MAP4K3: variants seen among roughly 807,000 people sequenced by gnomAD.
MAP4K3 encodes the protein MAPK/ERK kinase kinase kinase 3.
A neutral mutation model predicts 143.5 loss-of-function variants in MAP4K3; 94 were observed. The ratio of observed to expected loss-of-function variants is 0.65; its 90% CI spans 0.55 to 0.78. MAP4K3 has a LOEUF of 0.78. Ranked by LOEUF, MAP4K3 falls within the 30% of genes least tolerant of loss-of-function variation. The pLI, the probability that MAP4K3 is intolerant of heterozygous loss-of-function variation, is 0.00. For synonymous variants in MAP4K3, 416 were observed against 347.2 expected (o/e 1.20, Z -2.20); for missense variants, 1,077 against 1,068.1 (o/e 1.01, Z -0.12).
Position 39,343,468 on chromosome 2 carries a change from A to C in MAP4K3, c.246-16T>G, listed in dbSNP as rs1217012328. ...CTTATCTCGCCTATAAAGAGAAAAG[A>C]AGCATGTATCATATTTTCATGATTA... On this transcript the variant is annotated splice_polypyrimidine_tract_variant and intron_variant, in intron 3 of 33. Coordinates refer to ENST00000263881, the MANE Select transcript of MAP4K3 (RefSeq NM_003618.4). 3 of 1,607,268 alleles carry C rather than the reference A, an allele frequency of 1.9e-6. No homozygotes were observed. Among genetic ancestry groups the C allele is most frequent in the African/African-American group, 2.7e-5 (2 of 74,888 alleles).
chr2:39,385,797 T>C lies in MAP4K3; in HGVS notation c.97-7674A>G, dbSNP rs183456303. Among the ~76,000 whole-genome samples, 922 of 150,824 alleles carry C rather than the reference T, an allele frequency of 6.1e-3. 10 individuals carry two copies. Among genetic ancestry groups the C allele is most frequent in the African/African-American group, 0.021 (884 of 41,212 alleles). ...AGCAACTGCCACCACACCCGGCTAATTTTTTTGTATTTTTAGTAGAGATGA... is the reference window on the plus strand; with the variant it reads ...AGCAACTGCCACCACACCCGGCTAACTTTTTTGTATTTTTAGTAGAGATGA... On this transcript the variant is annotated intron_variant, in intron 1 of 33. Coordinates refer to ENST00000263881, the MANE Select transcript of MAP4K3 (RefSeq NM_003618.4).
At chr2:39,260,570 T>C (rs371059913) in intron 29 of MAP4K3, 36 bp downstream of exon 29, 10 of 1,573,336 alleles carry the variant, frequency 6.4e-6, no homozygotes, top group African/African-American at 4.1e-5. Context: ...AACCAGTATA[T>C]GTATTACCCT....
intron 1 of MAP4K3, among the ~76,000 whole-genome samples, chr2:39,400,679 T>G (rs1027033897): frequency 6.6e-6 from 1 of 152,054 alleles, no homozygotes; most frequent in Non-Finnish European, 1.5e-5. Flanking sequence ...AAATTATGAC[T>G]GGAAGTCCTG....
At chr2:39,436,831 C>A in intron 1 of MAP4K3, 61 bp downstream of exon 1, 1 of 1,466,880 alleles carries the variant, frequency 6.8e-7, no homozygotes, top group Non-Finnish European at 9.4e-7. Context: ...GGCTCGGACG[C>A]CCAGGCTTGG....
chr2:39,284,362 T>C (rs373754045), intron 21 of MAP4K3, among the ~76,000 whole-genome samples: 8 of 152,010 alleles, frequency 5.3e-5, no homozygotes, highest in Non-Finnish European at 8.8e-5. Context: ...GGTTTTACCA[T>C]GTTGGCGAGG....
At chr2:39,319,759 A>G (rs1191240188) in intron 12 of MAP4K3, among the ~76,000 whole-genome samples, 3 of 152,256 alleles carry the variant, frequency 2.0e-5, no homozygotes, top group African/African-American at 7.2e-5. Context: ...AAATGAAATT[A>G]CAAAGATTCA....
intron 16 of MAP4K3, among the ~76,000 whole-genome samples, chr2:39,299,450 T>G (rs1682420098): frequency 6.6e-6 from 1 of 152,176 alleles, no homozygotes; most frequent in Admixed American, 6.5e-5. Flanking sequence ...CAGATCAGTT[T>G]TAGAAATAAA....
chr2:39,390,344 C>G (rs1666618164), intron 1 of MAP4K3, among the ~76,000 whole-genome samples: 1 of 152,166 alleles, frequency 6.6e-6, no homozygotes, highest in Non-Finnish European at 1.5e-5. Context: ...TTAAACAACT[C>G]AGCATGGAAA....
chr2:39,334,181 C>T (rs755915382), intron 6 of MAP4K3, among the ~76,000 whole-genome samples: 49 of 152,142 alleles, frequency 3.2e-4, no homozygotes, highest in Non-Finnish European at 6.8e-4. Context: ...TGTCACCCCT[C>T]TGCATGATCT....
chr2:39,409,499 C>A (rs1302366167), intron 1 of MAP4K3, among the ~76,000 whole-genome samples: 1 of 152,290 alleles, frequency 6.6e-6, no homozygotes, highest in East Asian at 1.9e-4. Context: ...GAGGCTGAGG[C>A]AGGAGAATCA....
At chr2:39,323,034 A>G (rs976151183) in intron 12 of MAP4K3, among the ~76,000 whole-genome samples, 2 of 152,174 alleles carry the variant, frequency 1.3e-5, no homozygotes, top group Non-Finnish European at 2.9e-5. Flanking sequence ...TCTTAGATAC[A>G]TTCGTATTTT....
intron 1 of MAP4K3, among the ~76,000 whole-genome samples, chr2:39,406,094 G>C (rs547310469): frequency 7.0e-4 from 106 of 152,016 alleles, no homozygotes; most frequent in Non-Finnish European, 1.4e-3. Flanking sequence ...AAATGCAACA[G>C]ACATACTGAA....
At chr2:39,347,046 A>T (rs1463522357) in intron 3 of MAP4K3, among the ~76,000 whole-genome samples, 1 of 152,170 alleles carries the variant, frequency 6.6e-6, no homozygotes, top group Non-Finnish European at 1.5e-5. Context: ...CACCAAGGTC[A>T]AAACCATTTT....
rs550370683 is a variant in MAP4K3, at chr2:39,418,147, T to A, written c.96+18745A>T. Among the ~76,000 whole-genome samples, 6 of 148,392 alleles carry A rather than the reference T, an allele frequency of 4.0e-5. No individual in the cohort carries two copies. In the South Asian group the frequency reaches 1.3e-3, roughly 31 times the overall value. On this transcript the variant is annotated intron_variant, in intron 1 of 33. Transcript: ENST00000263881. ...GAACCCAGGAGGCAGAAGGTTGCAG[T>A]GAGCAGAGACTGCACCACTGCACTC...
chr2:39,337,479 C>A (rs1125839), intron 5 of MAP4K3, 47 bp downstream of exon 5: 1,262,310 of 1,397,054 alleles, frequency 0.9, 571,458 homozygotes, highest in Non-Finnish European at 0.92. Flanking sequence ...GTAAGTAAAG[C>A]CTTAGTTTAA....
intron 15 of MAP4K3, among the ~76,000 whole-genome samples, chr2:39,306,881 C>T (rs1163119072): frequency 6.6e-6 from 1 of 152,198 alleles, no homozygotes; most frequent in East Asian, 1.9e-4. Context: ...TCTACAGTAC[C>T]TATTGTATGT....
chr2:39,369,205 G>GTTGTTTTTTTTTTT (rs1666011436), intron 2 of MAP4K3, among the ~76,000 whole-genome samples: 1 of 125,380 alleles, frequency 8.0e-6, no homozygotes, highest in African/African-American at 3.2e-5. Context: ...TTTTTTTTTT[G>GTTGTTTTTTTTTTT]TTTTTTTTGA....
At chr2:39,264,575 C>T (rs7601437) in intron 28 of MAP4K3, among the ~76,000 whole-genome samples, 1 of 152,166 alleles carries the variant, frequency 6.6e-6, no homozygotes, top group African/African-American at 2.4e-5. Context: ...TAAGACCACT[C>T]AGTCCATATA....
chr2:39,357,441 T>C (rs1043687332), intron 2 of MAP4K3, among the ~76,000 whole-genome samples: 14 of 152,202 alleles, frequency 9.2e-5, no homozygotes, highest in African/African-American at 3.1e-4. Context: ...AGCCCTGACA[T>C]TTCTGGCCTT....
Sources: gnomAD v4.1 joint callset for allele counts (sites outside exome capture counted in the v4.1 genomes callset) on GRCh38, gnomAD v4.1.1 for gene constraint, MANE v1.5 for transcripts, NCBI Gene and HGNC (gene_info 2026-07-23, HGNC 2026-07-21) for gene names.